PHLPP1: variants seen among roughly 807,000 people sequenced by gnomAD.
PHLPP1 encodes PH domain and leucine rich repeat protein phosphatase 1.
In PHLPP1, 42 loss-of-function variants were observed where a neutral mutation model predicts 117.2. That is an observed-to-expected ratio of 0.36 (90% CI 0.28 to 0.46). The LOEUF (loss-of-function observed/expected upper bound fraction) is 0.46, where lower values mean the gene tolerates loss of function less well. Among genes scored for constraint, PHLPP1 ranks in the 20% least tolerant of loss-of-function variants. The pLI is 1.00. For missense variants in PHLPP1, 2,084 were observed against 2,241.9 expected (o/e 0.93, Z 1.42); for synonymous variants, 1,042 against 970.7 (o/e 1.07, Z -1.37).
chr18:62,724,379 A>T (rs1313923870), intron 1 of PHLPP1, among the ~76,000 whole-genome samples: 1 of 152,250 alleles, frequency 6.6e-6, no homozygotes, highest in Admixed American at 6.5e-5. Context: ...TAGAGTCAGT[A>T]GGAGAAAAAA....
At chr18:62,936,156 C>T (rs1011951865) in intron 10 of PHLPP1, among the ~76,000 whole-genome samples, 26 of 152,130 alleles carry the variant, frequency 1.7e-4, no homozygotes, top group African/African-American at 5.3e-4. Flanking sequence ...CACAAAATGA[C>T]GGGAGCATGT....
chr18:62,926,677 G>T (rs1453111474), intron 10 of PHLPP1, among the ~76,000 whole-genome samples: 2 of 152,084 alleles, frequency 1.3e-5, no homozygotes, highest in Non-Finnish European at 2.9e-5. Context: ...TACTTAACAA[G>T]AATATCTCCG....
chr18:62,942,042 TCA>T (rs1910146088), intron 11 of PHLPP1, 124 bp downstream of exon 11: 3 of 710,788 alleles, frequency 4.2e-6, no homozygotes, highest in Non-Finnish European at 4.6e-6. Context: ...CCTGCTCCCT[TCA>T]CAGTTTCCTT....
chr18:62,716,686 T>C lies in PHLPP1; in HGVS notation c.1003T>C (p.Ser335Pro), dbSNP rs1910751612. The C allele has an allele frequency of 9.5e-6, 14 of 1,468,760 alleles. No homozygotes were observed. Among genetic ancestry groups the C allele is most frequent in the Non-Finnish European group, 1.3e-5 (14 of 1,112,568 alleles). 91.0% of individuals were successfully genotyped at this position (1,468,760 alleles called of 1,614,324 possible). Residue 335 changes from serine (S) to proline (P), a missense_variant, in exon 1 of 17, where the codon TCT (serine) becomes CCT (proline). Transcript: ENST00000262719. This position sits in a 1 kb window ranked among gnomAD's most constrained non-coding sequence, Gnocchi z 5.7. ...PGEPFVGGPV[S>P]SPRAPRPVVS... Reference sequence around the variant, plus strand: ...CGAGCCGTTCGTTGGGGGCCCTGTCTCTTCGCCCCGCGCCCCACGGCCTGT... The same window carrying C: ...CGAGCCGTTCGTTGGGGGCCCTGTCCCTTCGCCCCGCGCCCCACGGCCTGT...
chr18:62,920,058 T>A lies in PHLPP1; in HGVS notation c.2904T>A (p.Asp968Glu). 1 of 1,613,676 alleles carries A rather than the reference T, an allele frequency of 6.2e-7. No individual in the cohort carries two copies. Among genetic ancestry groups the A allele is most frequent in the South Asian group, 1.1e-5 (1 of 90,948 alleles). The change falls in exon 10 of 17, where the codon GAT (aspartate) becomes GAA (glutamate). Residue 968 changes from aspartate to glutamate, a missense_variant. Asp to Glu is a conservative substitution (Grantham distance 45, BLOSUM62 2). Transcript: ENST00000262719. The part of the protein sequence containing the change: ...RLERTSVEVL[D>E]VQHNQLLELP... ...AAAGAACCTCGGTGGAGGTCTTGGA[T>A]GTGCAACACAACCAGCTCCTTGAGC...
chr18:62,867,758 G>A (rs1322518766), intron 4 of PHLPP1, among the ~76,000 whole-genome samples: 1 of 152,056 alleles, frequency 6.6e-6, no homozygotes, highest in African/African-American at 2.4e-5. Flanking sequence ...GGCGATGCAT[G>A]CCAAGATTTA....
At chr18:62,748,977 C>A (rs1292219398) in intron 1 of PHLPP1, among the ~76,000 whole-genome samples, 1 of 152,016 alleles carries the variant, frequency 6.6e-6, no homozygotes, top group Non-Finnish European at 1.5e-5. Context: ...TATTTAACTT[C>A]AAAATGTCAC....
At chr18:62,840,278 A>T (rs549899723) in intron 3 of PHLPP1, among the ~76,000 whole-genome samples, 4 of 152,208 alleles carry the variant, frequency 2.6e-5, no homozygotes, top group Non-Finnish European at 5.9e-5. Flanking sequence ...AGAAGAAGCA[A>T]TGGGTAGAGA....
intron 4 of PHLPP1, among the ~76,000 whole-genome samples, chr18:62,866,577 T>G (rs760884998): frequency 1.3e-5 from 2 of 152,216 alleles, no homozygotes; most frequent in Admixed American, 6.5e-5. Context: ...GCTGTATAGT[T>G]AATGCCGATG....
intron 1 of PHLPP1, among the ~76,000 whole-genome samples, chr18:62,757,890 C>G (rs561563733): frequency 6.6e-6 from 1 of 152,262 alleles, no homozygotes; most frequent in South Asian, 2.1e-4. Flanking sequence ...GCTCTGGGCC[C>G]TTAAGGTGTT....
At chr18:62,879,864 G>A (rs1422875932) in intron 4 of PHLPP1, among the ~76,000 whole-genome samples, 1 of 152,136 alleles carries the variant, frequency 6.6e-6, no homozygotes, top group African/African-American at 2.4e-5. Flanking sequence ...CATACCATAC[G>A]ATTCTTTTTA....
At chr18:62,806,050 C>G (rs1373194974) in intron 1 of PHLPP1, among the ~76,000 whole-genome samples, 3 of 152,000 alleles carry the variant, frequency 2.0e-5, no homozygotes, top group African/African-American at 7.3e-5. Context: ...ACAAAGTGCC[C>G]TCCCGGACTT....
intron 1 of PHLPP1, among the ~76,000 whole-genome samples, chr18:62,820,903 A>G (rs901699616): frequency 1.1e-4 from 16 of 152,256 alleles, no homozygotes; most frequent in Non-Finnish European, 1.5e-4. Flanking sequence ...TAATTCCTAC[A>G]AAGAACATTC....
At chr18:62,866,224 A>C (rs999128309) in intron 4 of PHLPP1, among the ~76,000 whole-genome samples, 2 of 151,720 alleles carry the variant, frequency 1.3e-5, no homozygotes, top group African/African-American at 4.8e-5. Context: ...TGAGAGGCCA[A>C]AACGTTTTTG....
chr18:62,971,839 C>T (rs747533299), intron 14 of PHLPP1, among the ~76,000 whole-genome samples: 3 of 152,100 alleles, frequency 2.0e-5, no homozygotes, highest in African/African-American at 7.2e-5. Context: ...GAGTTCGAGA[C>T]CAGCCTGGCC....
At chr18:62,788,716 A>G (rs185323072) in intron 1 of PHLPP1, among the ~76,000 whole-genome samples, 81 of 152,314 alleles carry the variant, frequency 5.3e-4, no homozygotes, top group Admixed American at 4.7e-3. Context: ...TATACTGTAC[A>G]ACTTGTCTTT....
Position 62,716,739 on chromosome 18 carries a change from G to A in PHLPP1, c.1056G>A (p.Leu352=). The change falls in exon 1 of 17, where the codon CTG becomes CTA. Residue 352 remains leucine, a synonymous_variant. Transcript: ENST00000262719. The surrounding 1 kb of genome is among the most constrained non-coding windows in gnomAD (Gnocchi z 5.7). The stretch of plus-strand genomic sequence containing the variant: ...TCTCCGACACCGAGAGCTTCAGTCT[G>A]AGTCCCAGCGCCGAGAGCGTGTCTG... The part of the protein sequence containing the change: ...PVVSDTESFS[L]SPSAESVSDR... 4 of 1,514,778 alleles carry A rather than the reference G, an allele frequency of 2.6e-6. No homozygotes were observed. Among genetic ancestry groups the A allele is most frequent in the Non-Finnish European group, 3.5e-6 (4 of 1,136,984 alleles). The allele number at this position is 1,514,778 out of a possible 1,614,324, so 93.8% of individuals were successfully genotyped here.
At chr18:62,966,065 T>A (rs1185979366) in intron 14 of PHLPP1, among the ~76,000 whole-genome samples, 1 of 152,100 alleles carries the variant, frequency 6.6e-6, no homozygotes, top group African/African-American at 2.4e-5. Flanking sequence ...GTTGCCTGGC[T>A]TTGCACCTGG....
chr18:62,737,812 G>T (rs1185985865), intron 1 of PHLPP1, among the ~76,000 whole-genome samples: 1 of 152,072 alleles, frequency 6.6e-6, no homozygotes, highest in Non-Finnish European at 1.5e-5. Context: ...GTTAGATGAA[G>T]GTCTACACGA....
Sources: allele counts gnomAD v4.1 joint callset (sites outside exome capture counted in the v4.1 genomes callset), GRCh38; gene constraint gnomAD v4.1.1; non-coding constraint Gnocchi (gnomAD v3.1); transcripts MANE v1.5; gene names NCBI Gene and HGNC (gene_info 2026-07-23, HGNC 2026-07-21).